The following ERBB4 variants were observed in gnomAD, a reference collection of about 807,000 sequenced individuals.
ERBB4 encodes the protein erb-b2 receptor tyrosine kinase 4.
In ERBB4, 42 loss-of-function variants were observed where a neutral mutation model predicts 158.0. That is an observed-to-expected ratio of 0.27 (90% CI 0.21 to 0.34). ERBB4 has a LOEUF of 0.34. Among genes scored for constraint, ERBB4 ranks in the 10% least tolerant of loss-of-function variants. ERBB4 has a pLI of 1.00. For synonymous variants in ERBB4, 583 were observed against 558.7 expected, an observed-to-expected ratio of 1.04 and a Z score of -0.61; for missense variants, 1,333 against 1,624.1, an observed-to-expected ratio of 0.82 and a Z score of 3.08.
chr2:211,664,207 G>A (rs1388411659), intron 15 of ERBB4, among the ~76,000 whole-genome samples: 2 of 152,196 alleles, frequency 1.3e-5, no homozygotes, highest in Admixed American at 6.5e-5. Flanking sequence ...AAATGATGTC[G>A]CTTGCTTAAT....
At chr2:211,990,831 G>C (rs1408196077) in intron 2 of ERBB4, among the ~76,000 whole-genome samples, 4 of 151,800 alleles carry the variant, frequency 2.6e-5, no homozygotes, top group Admixed American at 6.6e-5. Context: ...CTCAACAGGA[G>C]TGCCAGATTA....
intron 3 of ERBB4, among the ~76,000 whole-genome samples, chr2:211,934,920 T>C (rs2080272538): frequency 2.5e-5 from 1 of 40,650 alleles, no homozygotes; most frequent in South Asian, 5.6e-4. Flanking sequence ...CAAAGTCTCA[T>C]TCAGCTAAAA....
chr2:211,638,964 C>A (rs1473496242), intron 16 of ERBB4, among the ~76,000 whole-genome samples: 1 of 152,078 alleles, frequency 6.6e-6, no homozygotes, highest in Non-Finnish European at 1.5e-5. Flanking sequence ...AGGACACCAT[C>A]CTCAGAATAT....
chr2:211,944,176 A>AGT (rs1559154416), intron 3 of ERBB4, among the ~76,000 whole-genome samples: 1 of 16,288 alleles, frequency 6.1e-5, no homozygotes, highest in East Asian at 1.8e-3. Context: ...ATATATATAT[A>AGT]CTATATATAT....
intron 3 of ERBB4, among the ~76,000 whole-genome samples, chr2:211,883,515 C>A (rs959436631): frequency 6.6e-5 from 10 of 152,092 alleles, no homozygotes; most frequent in Admixed American, 3.3e-4. Context: ...CGGTGGCTCA[C>A]ACCTGTAATC....
At chr2:211,613,395 A>T (rs1417092003) in intron 19 of ERBB4, among the ~76,000 whole-genome samples, 1 of 143,002 alleles carries the variant, frequency 7.0e-6, no homozygotes, top group Admixed American at 6.7e-5. Context: ...GAAAGGCAGG[A>T]GAATGTAGCT....
At chr2:211,978,791 A>G (rs1349068843) in intron 2 of ERBB4, among the ~76,000 whole-genome samples, 1 of 152,160 alleles carries the variant, frequency 6.6e-6, no homozygotes, top group Non-Finnish European at 1.5e-5. Context: ...GGTGAACATC[A>G]AGGTGTTCTC....
chr2:211,621,437 T>C (rs1346820860), intron 18 of ERBB4, among the ~76,000 whole-genome samples: 1 of 152,192 alleles, frequency 6.6e-6, no homozygotes, highest in African/African-American at 2.4e-5. Flanking sequence ...ACAACTGATC[T>C]ATTGATTAAA....
chr2:211,715,711 A>G (rs1167631786), intron 7 of ERBB4, among the ~76,000 whole-genome samples: 1 of 152,104 alleles, frequency 6.6e-6, no homozygotes, highest in African/African-American at 2.4e-5. Flanking sequence ...CTGGCCATGG[A>G]AGACATAATT....
At chr2:211,735,347 CA>C (rs377116132) in intron 5 of ERBB4, among the ~76,000 whole-genome samples, 4 of 152,130 alleles carry the variant, frequency 2.6e-5, no homozygotes, top group African/African-American at 9.7e-5. Flanking sequence ...AAGTTATTAT[CA>C]AAGTGGAGTT....
intron 19 of ERBB4, among the ~76,000 whole-genome samples, chr2:211,589,159 T>G (rs929568195): frequency 2.0e-5 from 3 of 152,160 alleles, no homozygotes; most frequent in African/African-American, 7.2e-5. Context: ...AAGTCAAAAG[T>G]ATTTCCAGTT....
At chr2:211,524,746 T>C (rs116350780) in intron 20 of ERBB4, among the ~76,000 whole-genome samples, 18,282 of 151,508 alleles carry the variant, frequency 0.12, 1,982 homozygotes, top group African/African-American at 0.28. Flanking sequence ...CAGATTGCCA[T>C]TTGCACCTCT....
At chr2:211,958,003 G>A (rs376478464) in intron 2 of ERBB4, among the ~76,000 whole-genome samples, 2 of 152,064 alleles carry the variant, frequency 1.3e-5, no homozygotes, top group Non-Finnish European at 2.9e-5. Flanking sequence ...AAAAGTTAGA[G>A]GTGACTGATT....
intron 2 of ERBB4, among the ~76,000 whole-genome samples, chr2:211,979,473 G>C (rs539923241): frequency 6.6e-6 from 1 of 152,192 alleles, no homozygotes; most frequent in African/African-American, 2.4e-5. Flanking sequence ...TCCTATGCTT[G>C]TCTACTCTTT....
chr2:211,680,289 A>G (rs2105963693), intron 12 of ERBB4, among the ~76,000 whole-genome samples: 1 of 152,274 alleles, frequency 6.6e-6, no homozygotes, highest in South Asian at 2.1e-4. Context: ...ATACTGCATG[A>G]CATTATTTTA....
chr2:211,472,147 T>G (rs149610945), intron 20 of ERBB4, among the ~76,000 whole-genome samples: 3,339 of 152,030 alleles, frequency 0.022, 53 homozygotes, highest in Middle Eastern at 0.048. Flanking sequence ...CAGACAAGTG[T>G]GAAGGTTGTT....
At chr2:212,113,838 A>G (rs2079494381) in intron 2 of ERBB4, among the ~76,000 whole-genome samples, 2 of 152,164 alleles carry the variant, frequency 1.3e-5, no homozygotes, top group Admixed American at 1.3e-4. Flanking sequence ...TAACCAAATC[A>G]TTTCATAGGC....
intron 18 of ERBB4, among the ~76,000 whole-genome samples, 196 bp downstream of exon 18, chr2:211,623,726 A>C (rs1226128711): frequency 1.3e-5 from 2 of 152,184 alleles, no homozygotes; most frequent in Non-Finnish European, 2.9e-5. Flanking sequence ...CTTTTCTCTC[A>C]AGACTGTATC....
chr2:211,469,510 G>C (rs577814301), intron 20 of ERBB4, among the ~76,000 whole-genome samples: 1 of 152,204 alleles, frequency 6.6e-6, no homozygotes, highest in African/African-American at 2.4e-5. Context: ...CAAAAAGCTA[G>C]TCCATTAAAT....
Sources: allele counts gnomAD v4.1 joint callset (sites outside exome capture counted in the v4.1 genomes callset), GRCh38; gene constraint gnomAD v4.1.1; transcripts MANE v1.5; gene names NCBI Gene and HGNC (gene_info 2026-07-23, HGNC 2026-07-21).